The following GPHN variants were observed in gnomAD, a reference collection of about 807,000 sequenced individuals.
GPHN encodes gephyrin.
A neutral mutation model predicts 95.5 loss-of-function variants in GPHN; 17 were observed. The observed-to-expected ratio is 0.18, with a 90% CI of 0.12 to 0.27. The LOEUF (loss-of-function observed/expected upper bound fraction) is 0.27. GPHN is among the 10% of genes least tolerant of loss of function. GPHN has a pLI of 1.00. For synonymous variants in GPHN, 320 were observed against 322.5 expected, an observed-to-expected ratio of 0.99 and a Z score of 0.08; for missense variants, 660 against 978.1, an observed-to-expected ratio of 0.67 and a Z score of 4.34.
the GPHN span, among the ~76,000 whole-genome samples, chr14:67,664,282 C>T: frequency 6.6e-6 from 1 of 152,210 alleles, no homozygotes; most frequent in African/African-American, 2.4e-5. Flanking sequence ...CCGTACCCAT[C>T]AAATACCTCC....
intron 5 of GPHN, among the ~76,000 whole-genome samples, chr14:66,886,461 A>C (rs1211153359): frequency 1.3e-5 from 2 of 152,140 alleles, no homozygotes; most frequent in Admixed American, 1.3e-4. Flanking sequence ...TGTACTCAGG[A>C]GTTCTAAGTC....
At chr14:67,162,423 CA>C (rs2082029037) in intron 19 of GPHN, among the ~76,000 whole-genome samples, 1 of 152,106 alleles carries the variant, frequency 6.6e-6, no homozygotes, top group South Asian at 2.1e-4. Flanking sequence ...AATATTAGAA[CA>C]AAAGAAATAT....
chr14:67,367,770 A>G, the GPHN span, among the ~76,000 whole-genome samples: 1 of 151,772 alleles, frequency 6.6e-6, no homozygotes, highest in Admixed American at 6.6e-5. Context: ...CAGGAGGCGG[A>G]GGCTGCAGTG....
chr14:67,671,341 C>T, the GPHN span, among the ~76,000 whole-genome samples: 3 of 152,044 alleles, frequency 2.0e-5, no homozygotes, highest in African/African-American at 7.2e-5. Context: ...GCCTGGCCAA[C>T]ATGGTGAAAC....
intron 1 of GPHN, among the ~76,000 whole-genome samples, chr14:66,584,750 G>A (rs2061349291): frequency 6.6e-6 from 1 of 152,074 alleles, no homozygotes; most frequent in South Asian, 2.1e-4. Context: ...ACTTGATCAT[G>A]GTGGATAAGC....
At chr14:67,627,273 A>ATC in the GPHN span, among the ~76,000 whole-genome samples, 1 of 148,840 alleles carries the variant, frequency 6.7e-6, no homozygotes, top group Non-Finnish European at 1.5e-5. Context: ...ATATATATAT[A>ATC]TATATATATC....
chr14:67,410,429 A>G, the GPHN span, among the ~76,000 whole-genome samples: 1 of 152,162 alleles, frequency 6.6e-6, no homozygotes, highest in Non-Finnish European at 1.5e-5. Context: ...ATGTGAGATT[A>G]GGAGCTCCCC....
the GPHN span, among the ~76,000 whole-genome samples, chr14:67,684,128 A>G: frequency 6.6e-6 from 1 of 151,710 alleles, no homozygotes; most frequent in Non-Finnish European, 1.5e-5. Flanking sequence ...CAAAGTTGCT[A>G]AAGCACAGAC....
At chr14:67,155,791 G>A (rs1445227441) in intron 18 of GPHN, among the ~76,000 whole-genome samples, 2 of 151,916 alleles carry the variant, frequency 1.3e-5, no homozygotes, top group Non-Finnish European at 2.9e-5. Flanking sequence ...TACTAATCTC[G>A]AGCCGGATAA....
the GPHN span, among the ~76,000 whole-genome samples, chr14:67,196,223 C>CT: frequency 0.081 from 11,631 of 143,076 alleles, 703 homozygotes; most frequent in African/African-American, 0.15. Flanking sequence ...TTCTTTCTTT[C>CT]TTTTTTTTTT....
chr14:67,352,884 T>C, the GPHN span: 3 of 1,422,104 alleles, frequency 2.1e-6, no homozygotes, highest in East Asian at 7.1e-5. Flanking sequence ...TGCTGGATTT[T>C]TCTAAAATAA....
At chr14:67,116,265 GAAAGA>G (rs1454343891) in intron 16 of GPHN, among the ~76,000 whole-genome samples, 7 of 131,568 alleles carry the variant, frequency 5.3e-5, no homozygotes, top group Admixed American at 7.9e-5. Flanking sequence ...GTGAGACAAA[GAAAGA>G]AAAGAAAAAG....
intron 2 of GPHN, among the ~76,000 whole-genome samples, chr14:66,690,687 A>G (rs780737078): frequency 2.6e-5 from 4 of 152,282 alleles, no homozygotes; most frequent in East Asian, 1.9e-4. Context: ...GGGTGCTCCA[A>G]TGTTGGGTGC....
intron 2 of GPHN, among the ~76,000 whole-genome samples, chr14:66,767,819 G>A (rs2059019695): frequency 6.6e-6 from 1 of 151,874 alleles, no homozygotes; most frequent in Non-Finnish European, 1.5e-5. Flanking sequence ...AACAATGTTT[G>A]TATGTAGTAA....
chr14:67,586,497 A>G, the GPHN span: 26 of 1,010,608 alleles, frequency 2.6e-5, no homozygotes, highest in Non-Finnish European at 3.5e-5. Context: ...ACCCAACATT[A>G]GCTACAAAGT....
chr14:67,414,137 G>A, the GPHN span, among the ~76,000 whole-genome samples: 1 of 152,186 alleles, frequency 6.6e-6, no homozygotes, highest in Non-Finnish European at 1.5e-5. Context: ...ATCTTCTGAG[G>A]CTTAGAAGAA....
At chr14:67,435,320 C>T in the GPHN span, among the ~76,000 whole-genome samples, 5 of 152,118 alleles carry the variant, frequency 3.3e-5, no homozygotes, top group Admixed American at 6.6e-5. Context: ...CCGGTTAGTC[C>T]GTTAACCCAT....
chr14:67,067,202 T>A (rs1430922100), intron 11 of GPHN, among the ~76,000 whole-genome samples: 1 of 152,204 alleles, frequency 6.6e-6, no homozygotes, highest in African/African-American at 2.4e-5. Flanking sequence ...CAGCTGCAGA[T>A]CTGTTGGAGT....
chr14:67,692,962 C>A, the GPHN span: 2 of 1,613,952 alleles, frequency 1.2e-6, no homozygotes, highest in Non-Finnish European at 1.7e-6. Flanking sequence ...TGGCTGTCTC[C>A]TTCCCGATAC....
Sources: allele counts gnomAD v4.1 joint callset (sites outside exome capture counted in the v4.1 genomes callset), GRCh38; gene constraint gnomAD v4.1.1; transcripts MANE v1.5; gene names NCBI Gene and HGNC (gene_info 2026-07-23, HGNC 2026-07-21).